The following GTF2I variants were observed in gnomAD, a reference collection of about 807,000 sequenced individuals.
GTF2I encodes general transcription factor II-I.
GTF2I carries 12 observed loss-of-function variants against 67.6 expected under a neutral mutation model. The ratio of observed to expected loss-of-function variants is 0.18; its 90% CI spans 0.11 to 0.29. GTF2I has a LOEUF of 0.29. Ranked by LOEUF, GTF2I falls within the 10% of genes least tolerant of loss-of-function variation. The pLI, the probability that GTF2I is intolerant of heterozygous loss-of-function variation, is 1.00. For synonymous variants in GTF2I, 149 were observed against 197.0 expected (o/e 0.76, Z 2.04); for missense variants, 271 against 580.1 (o/e 0.47, Z 5.47).
At chr7:74,660,709 C>T (rs1554386173) in intron 1 of GTF2I, among the ~76,000 whole-genome samples, 4 of 150,890 alleles carry the variant, frequency 2.7e-5, no homozygotes, top group African/African-American at 9.7e-5. Context: ...GCAACCTCCG[C>T]CTCCCGGGTT....
At chr7:74,724,173 A>G (rs1434573695) in intron 12 of GTF2I, among the ~76,000 whole-genome samples, 1 of 152,200 alleles carries the variant, frequency 6.6e-6, no homozygotes, top group South Asian at 2.1e-4. Context: ...TAAATACCCA[A>G]TTGTTTATGT....
At chr7:74,703,956 CTT>C (rs1415477855) in intron 6 of GTF2I, among the ~76,000 whole-genome samples, 1 of 152,176 alleles carries the variant, frequency 6.6e-6, no homozygotes, top group Admixed American at 6.5e-5. Flanking sequence ...TCTTTTGACT[CTT>C]TGTTTATTTC....
At chr7:74,707,185 C>T (rs1437807591) in intron 8 of GTF2I, among the ~76,000 whole-genome samples, 2 of 152,212 alleles carry the variant, frequency 1.3e-5, no homozygotes, top group African/African-American at 4.8e-5. Context: ...AGAACCGTGG[C>T]ACCCAGATGT....
At position 74,706,428 on chromosome 7, in the gene GTF2I, A is replaced by G. The variant is rs782450272; in HGVS notation, c.680A>G (p.Asp227Gly). The G allele has an allele frequency of 6.2e-7, 1 of 1,610,006 alleles. No individual in the cohort carries two copies. The highest frequency in any genetic ancestry group is 2.2e-5 in the East Asian group (1 of 44,882). Residue 227 changes from aspartate (D) to glycine (G), a missense_variant, in exon 8 of 35, where the codon GAT becomes GGT. Transcript: ENST00000573035. Reference sequence around the variant, plus strand: ...AAAGTGAAAACTGAACCCACAGAAGATTCTGGTATGTACTAGCACTTTTAG... The same window carrying G: ...AAAGTGAAAACTGAACCCACAGAAGGTTCTGGTATGTACTAGCACTTTTAG... Reference protein sequence around the residue: ...PIKVKTEPTEDSGISLEMAAV... With the variant: ...PIKVKTEPTEGSGISLEMAAV...
chr7:74,659,271 G>A (rs1804255162), intron 1 of GTF2I, among the ~76,000 whole-genome samples: 1 of 151,804 alleles, frequency 6.6e-6, no homozygotes, highest in African/African-American at 2.4e-5. Context: ...TGTTGCCCTG[G>A]CTGAAGCGCA....
intron 11 of GTF2I, among the ~76,000 whole-genome samples, chr7:74,718,229 A>G (rs1792505903): frequency 6.6e-6 from 1 of 152,232 alleles, no homozygotes; most frequent in African/African-American, 2.4e-5. Flanking sequence ...AGTAAACATA[A>G]TCTTTGGCAA....
At chr7:74,673,489 C>G (rs923004501) in intron 1 of GTF2I, among the ~76,000 whole-genome samples, 1 of 152,164 alleles carries the variant, frequency 6.6e-6, no homozygotes, top group African/African-American at 2.4e-5. Flanking sequence ...TCAAGCAATT[C>G]TCCTGTCTCA....
intron 8 of GTF2I, among the ~76,000 whole-genome samples, chr7:74,710,654 A>G (rs981025661): frequency 1.2e-4 from 18 of 152,326 alleles, no homozygotes; most frequent in African/African-American, 2.9e-4. Flanking sequence ...CCATTATGCT[A>G]TCTCTCCTTT....
chr7:74,684,158 A>G (rs148848907), intron 1 of GTF2I, among the ~76,000 whole-genome samples: 1 of 152,160 alleles, frequency 6.6e-6, no homozygotes, highest in Admixed American at 6.5e-5. Context: ...TGTGTAGTCC[A>G]TGTTGCCTGC....
At chr7:74,726,712 T>C (rs1365903661) in intron 12 of GTF2I, 2 of 152,210 alleles carry the variant, frequency 1.3e-5, no homozygotes, top group Middle Eastern at 3.4e-3. Context: ...CCAGGTGTGT[T>C]GGTCCCAGCT....
chr7:74,750,298 G>C (rs1410916770), intron 26 of GTF2I, among the ~76,000 whole-genome samples: 3 of 109,266 alleles, frequency 2.7e-5, no homozygotes, highest in Non-Finnish European at 4.1e-5. Context: ...AAAAAAAATA[G>C]CCAGGGGTGG....
At position 74,681,853 on chromosome 7, in the gene GTF2I, A is replaced by G. The variant is rs1787301847; in HGVS notation, c.-5-7271A>G. Reference sequence around the variant, plus strand: ...CTTGAACCCAGGAGGTGGAGGTTGCAGTGAGTTGAGATTGTGTTACTGCAC... The same window carrying G: ...CTTGAACCCAGGAGGTGGAGGTTGCGGTGAGTTGAGATTGTGTTACTGCAC... On this transcript the variant is annotated intron_variant, in intron 1 of 34. Coordinates refer to ENST00000573035, the MANE Select transcript of GTF2I (RefSeq NM_032999.4). Among the ~76,000 whole-genome samples, 4 of 152,060 alleles carry G rather than the reference A, an allele frequency of 2.6e-5. No homozygotes were observed. In the South Asian group the frequency reaches 8.3e-4, roughly 32 times the overall value.
chr7:74,665,953 T>C (rs1327952623), intron 1 of GTF2I, among the ~76,000 whole-genome samples: 1 of 152,128 alleles, frequency 6.6e-6, no homozygotes, highest in Non-Finnish European at 1.5e-5. Context: ...GATTCTCCTG[T>C]CTTAGCTTCC....
At position 74,693,496 on chromosome 7, in the gene GTF2I, G is replaced by A. The variant is rs587661677; in HGVS notation, c.238+2385G>A. Among the ~76,000 whole-genome samples the A allele has an allele frequency of 3.3e-5, 5 of 151,914 alleles. No individual in the cohort carries two copies. In the South Asian group the frequency reaches 8.3e-4, roughly 25 times the overall value. On this transcript the variant is annotated intron_variant, in intron 3 of 34. Coordinates refer to ENST00000573035, the MANE Select transcript of GTF2I (RefSeq NM_032999.4). ...ATGTGTTCTGACTGCTTCACCAATC[G>A]CCTGGTCCCCCATCATTCCCTTTCC...
chr7:74,692,178 A>C (rs1424713796), intron 3 of GTF2I, among the ~76,000 whole-genome samples: 1 of 151,236 alleles, frequency 6.6e-6, no homozygotes, highest in African/African-American at 2.4e-5. Context: ...TATTCAAGCA[A>C]TTCTTCTACC....
chr7:74,662,398 C>T (rs587635890), intron 1 of GTF2I, among the ~76,000 whole-genome samples: 4 of 150,010 alleles, frequency 2.7e-5, no homozygotes, highest in South Asian at 2.1e-4. Context: ...TTAGTAGAGA[C>T]GGGGTTTCTG....
intron 12 of GTF2I, among the ~76,000 whole-genome samples, chr7:74,720,781 C>T (rs587661117): frequency 7.5e-5 from 10 of 132,718 alleles, no homozygotes; most frequent in African/African-American, 1.7e-4. Flanking sequence ...CTGGCTCTGT[C>T]GCCCAGGCTG....
intron 9 of GTF2I, 35 bp from the exon 10 acceptor site, chr7:74,714,822 G>T (rs782501044): frequency 1.4e-6 from 2 of 1,463,910 alleles, no homozygotes; most frequent in Non-Finnish European, 1.9e-6. Context: ...TTTTGGGGGG[G>T]ATTACTTTTG....
intron 1 of GTF2I, among the ~76,000 whole-genome samples, chr7:74,668,775 T>C (rs1433422562): frequency 6.6e-6 from 1 of 151,990 alleles, no homozygotes; most frequent in Non-Finnish European, 1.5e-5. Context: ...GGTTTCACCA[T>C]GTTGGCCAGG....
Sources: allele counts gnomAD v4.1 joint callset (sites outside exome capture counted in the v4.1 genomes callset), GRCh38; gene constraint gnomAD v4.1.1; transcripts MANE v1.5; gene names NCBI Gene and HGNC (gene_info 2026-07-23, HGNC 2026-07-21).